CNTN1: variants seen among roughly 807,000 people sequenced by gnomAD.
CNTN1 encodes contactin 1, also known as contactin-1.
A neutral mutation model predicts 126.4 loss-of-function variants in CNTN1; 38 were observed. The ratio of observed to expected loss-of-function variants is 0.30; its 90% CI spans 0.23 to 0.39. CNTN1 has a LOEUF of 0.39. CNTN1 is among the 10% of genes least tolerant of loss of function. CNTN1 has a pLI of 1.00. For missense variants in CNTN1, 1,009 were observed against 1,248.4 expected, an observed-to-expected ratio of 0.81 and a Z score of 2.89; for synonymous variants, 413 against 422.6, an observed-to-expected ratio of 0.98 and a Z score of 0.28.
chr12:40,724,091 AT>A (rs1478885744), intron 1 of CNTN1, among the ~76,000 whole-genome samples: 25 of 152,274 alleles, frequency 1.6e-4, no homozygotes, highest in Middle Eastern at 3.4e-3. Context: ...ATTATTATAT[AT>A]TCATTATCTT....
chr12:41,020,670 T>A (rs1948886885), intron 20 of CNTN1, among the ~76,000 whole-genome samples: 1 of 152,078 alleles, frequency 6.6e-6, no homozygotes, highest in South Asian at 2.1e-4. Flanking sequence ...GGCAAACAAT[T>A]GGCCAAAATA....
chr12:40,900,070 A>G (rs1200321479), intron 1 of CNTN1, among the ~76,000 whole-genome samples: 1 of 152,142 alleles, frequency 6.6e-6, no homozygotes, highest in African/African-American at 2.4e-5. Context: ...ATCTCTAGAA[A>G]TGGCTGCTGA....
At position 40,918,306 on chromosome 12, in the gene CNTN1, A is replaced by T. The variant is rs548653129; in HGVS notation, c.95-333A>T. ...TCACCAAAGGATCATGCAAATTTTG[A>T]TAGGACAAGAAAAGTAGAATGATGA... is the stretch of plus-strand genomic sequence containing the variant. On this transcript the variant is annotated intron_variant, in intron 3 of 23. Coordinates refer to ENST00000551295, the MANE Select transcript of CNTN1 (RefSeq NM_001843.4). Among the ~76,000 whole-genome samples, 258 of 152,156 alleles carry T rather than the reference A, an allele frequency of 1.7e-3. 1 individual carries two copies. The highest frequency in any genetic ancestry group is 2.1e-3 in the Non-Finnish European group (141 of 68,022).
intron 1 of CNTN1, among the ~76,000 whole-genome samples, chr12:40,795,905 G>A (rs1940409487): frequency 6.6e-6 from 1 of 152,022 alleles, no homozygotes; most frequent in African/African-American, 2.4e-5. Context: ...ACATTCCTAT[G>A]AGGTGGATAT....
rs1432171562 is a variant in CNTN1 at position 41,072,405 on chromosome 12, C to T, written c.*2370C>T. On this transcript the variant is annotated 3_prime_UTR_variant, in exon 24 of 24. Transcript: ENST00000551295. ...TAAAGTAATAAATGTCTTATGTTACCCAAGAAAGAACAACTGTCCTTTCAA... is the reference window on the plus strand; with the variant it reads ...TAAAGTAATAAATGTCTTATGTTACTCAAGAAAGAACAACTGTCCTTTCAA... The T allele has an allele frequency of 6.6e-6, 1 of 151,866 alleles. No homozygotes were observed. Among genetic ancestry groups the T allele is most frequent in the African/African-American group, 2.4e-5 (1 of 41,336 alleles). The allele number at this position is 151,866 out of a possible 1,614,324, so 9.4% of individuals were successfully genotyped here.
Position 41,032,723 on chromosome 12 carries a change from G to A in CNTN1, c.2980+3504G>A, listed in dbSNP as rs112375944. Among the ~76,000 whole-genome samples, 598 of 152,232 alleles carry A rather than the reference G, an allele frequency of 3.9e-3. 6 individuals carry two copies. Among genetic ancestry groups the A allele is most frequent in the African/African-American group, 0.014 (576 of 41,530 alleles). The stretch of plus-strand genomic sequence containing the variant: ...CTGAGTAAATCTTCCTTATATCATA[G>A]CACTGTTTACTTTTCATCCTAATGT... On this transcript the variant is annotated intron_variant, in intron 23 of 23. Coordinates refer to ENST00000551295, the MANE Select transcript of CNTN1 (RefSeq NM_001843.4).
intron 16 of CNTN1, among the ~76,000 whole-genome samples, chr12:40,991,673 C>T (rs1380935641): frequency 6.6e-6 from 1 of 152,072 alleles, no homozygotes; most frequent in Non-Finnish European, 1.5e-5. Context: ...ACTACAAATA[C>T]AAAAATTAGC....
chr12:40,888,295 G>A (rs1341193911), intron 1 of CNTN1, among the ~76,000 whole-genome samples: 2 of 151,968 alleles, frequency 1.3e-5, no homozygotes, highest in Non-Finnish European at 2.9e-5. Context: ...CAAAATAACT[G>A]TGATAGTGTT....
chr12:41,043,554 C>T (rs1322930066), intron 23 of CNTN1, among the ~76,000 whole-genome samples: 1 of 152,082 alleles, frequency 6.6e-6, no homozygotes, highest in African/African-American at 2.4e-5. Context: ...GTTGGTGGGA[C>T]TGTAAACTAG....
At chr12:41,038,906 G>C (rs975720130) in intron 23 of CNTN1, among the ~76,000 whole-genome samples, 1 of 151,960 alleles carries the variant, frequency 6.6e-6, no homozygotes, top group Non-Finnish European at 1.5e-5. Flanking sequence ...AAAAAAAATG[G>C]AATAAAGTGA....
intron 1 of CNTN1, among the ~76,000 whole-genome samples, chr12:40,732,411 T>C (rs1300953552): frequency 6.6e-6 from 1 of 152,092 alleles, no homozygotes; most frequent in Non-Finnish European, 1.5e-5. Context: ...TAATGATTTA[T>C]GAAATTACAT....
chr12:40,996,899 T>C (rs890918715), intron 17 of CNTN1, among the ~76,000 whole-genome samples: 5 of 152,188 alleles, frequency 3.3e-5, no homozygotes, highest in African/African-American at 1.2e-4. Context: ...TTATAACAAC[T>C]CTCTAAGAGA....
At chr12:40,888,650 T>C (rs1205903857) in intron 1 of CNTN1, among the ~76,000 whole-genome samples, 1 of 152,202 alleles carries the variant, frequency 6.6e-6, no homozygotes, top group Non-Finnish European at 1.5e-5. Context: ...TTTGGTTTTC[T>C]TTTGCCAGGA....
At chr12:40,744,906 A>G (rs1188341368) in intron 1 of CNTN1, among the ~76,000 whole-genome samples, 1 of 152,102 alleles carries the variant, frequency 6.6e-6, no homozygotes, top group Non-Finnish European at 1.5e-5. Flanking sequence ...AAAAATAATC[A>G]TATTTATTTT....
chr12:40,790,922 C>T (rs572856909), intron 1 of CNTN1, among the ~76,000 whole-genome samples: 44 of 152,222 alleles, frequency 2.9e-4, no homozygotes, highest in Admixed American at 2.0e-3. Context: ...GGCTTTTATT[C>T]TCAGTTAGCC....
intron 1 of CNTN1, among the ~76,000 whole-genome samples, chr12:40,838,300 C>T (rs1308376192): frequency 1.3e-5 from 2 of 149,776 alleles, no homozygotes; most frequent in Non-Finnish European, 3.0e-5. Flanking sequence ...CCGCCTAGCC[C>T]ATTGCTGCTA....
At chr12:40,879,428 C>T (rs1388683424) in intron 1 of CNTN1, among the ~76,000 whole-genome samples, 1 of 152,036 alleles carries the variant, frequency 6.6e-6, no homozygotes, top group African/African-American at 2.4e-5. Flanking sequence ...CTAAGCAATA[C>T]CAGACATAAA....
At chr12:40,717,711 T>C (rs1226517229) in intron 1 of CNTN1, among the ~76,000 whole-genome samples, 2 of 152,194 alleles carry the variant, frequency 1.3e-5, no homozygotes, top group African/African-American at 2.4e-5. Context: ...TTTTCTAGCA[T>C]TGGTTAAGTT....
chr12:41,014,192 G>A (rs1038148144), intron 17 of CNTN1, 36 bp from the exon 18 acceptor site: 8 of 1,604,468 alleles, frequency 5.0e-6, no homozygotes, highest in Non-Finnish European at 3.4e-6. Flanking sequence ...CCCTCTTTTT[G>A]TTGTTGTTTT....
Sources: allele counts gnomAD v4.1 joint callset (sites outside exome capture counted in the v4.1 genomes callset), GRCh38; gene constraint gnomAD v4.1.1; transcripts MANE v1.5; gene names NCBI Gene and HGNC (gene_info 2026-07-23, HGNC 2026-07-21).